Variants in LRRC37A2 observed in about 807,000 individuals in gnomAD.
LRRC37A2 encodes leucine-rich repeat-containing protein 37A2.
A neutral mutation model predicts 68.8 loss-of-function variants in LRRC37A2; 9 were observed. The observed-to-expected ratio is 0.13, with a 90% CI of 0.08 to 0.23. The LOEUF (loss-of-function observed/expected upper bound fraction) is 0.23. Among genes scored for constraint, LRRC37A2 ranks in the 10% least tolerant of loss-of-function variants. The pLI is 1.00. For synonymous variants in LRRC37A2, 63 were observed against 367.6 expected (o/e 0.17, Z 9.48); for missense variants, 168 against 950.4 (o/e 0.18, Z 10.82).
At chr17:46,892,534 G>A in the LRRC37A2 span, among the ~76,000 whole-genome samples, 6 of 152,094 alleles carry the variant, frequency 3.9e-5, no homozygotes, top group Non-Finnish European at 5.9e-5. Context: ...TTCCACCATC[G>A]GACTGATTTT....
the LRRC37A2 span, chr17:46,872,844 G>T: frequency 2.0e-6 from 3 of 1,486,066 alleles, no homozygotes; most frequent in Non-Finnish European, 2.7e-6. Context: ...GCTGGGAGAG[G>T]CTGCCCTTTC....
At chr17:46,777,493 C>T in the LRRC37A2 span, among the ~76,000 whole-genome samples, 41 of 152,368 alleles carry the variant, frequency 2.7e-4, 2 homozygotes, top group South Asian at 2.1e-3. Context: ...CCTCAAAGGT[C>T]GGAGTGCTTC....
the LRRC37A2 span, chr17:46,768,330 G>A: frequency 1.2e-6 from 2 of 1,613,662 alleles, no homozygotes; most frequent in Non-Finnish European, 1.7e-6. The surrounding 1 kb of genome is among the most constrained non-coding windows in gnomAD (Gnocchi z 5.0). Context: ...CTACTTGCAG[G>A]TGTGCACGTC....
At chr17:46,999,720 C>G in the LRRC37A2 span, among the ~76,000 whole-genome samples, 3 of 151,912 alleles carry the variant, frequency 2.0e-5, no homozygotes, top group African/African-American at 4.8e-5. Flanking sequence ...TGCTGTCAGC[C>G]TGGAACTATA....
At chr17:47,019,528 A>G in the LRRC37A2 span, 2,502 of 1,516,366 alleles carry the variant, frequency 1.6e-3, 8 homozygotes, top group Non-Finnish European at 1.8e-3. Flanking sequence ...CATCCAGATC[A>G]GCTTCAGACT....
chr17:46,836,095 C>CGTGGGTGTGTGTGT, the LRRC37A2 span, among the ~76,000 whole-genome samples: 1 of 126,434 alleles, frequency 7.9e-6, no homozygotes, highest in Non-Finnish European at 1.6e-5. Flanking sequence ...GAGACGCTGA[C>CGTGGGTGTGTGTGT]GTGTGTGTGT....
At chr17:47,016,029 C>T in the LRRC37A2 span, among the ~76,000 whole-genome samples, 2 of 152,278 alleles carry the variant, frequency 1.3e-5, no homozygotes, top group East Asian at 1.9e-4. Flanking sequence ...ACTGCAACCT[C>T]TGCCTCCCAG....
chr17:46,936,965 TAA>T, the LRRC37A2 span: 1,211 of 195,736 alleles, frequency 6.2e-3, 1 homozygote, highest in African/African-American at 0.01. Context: ...GTGTATTTAT[TAA>T]AAAAAAAAAA....
the LRRC37A2 span, among the ~76,000 whole-genome samples, chr17:46,992,610 T>A: frequency 6.6e-6 from 1 of 152,080 alleles, no homozygotes; most frequent in East Asian, 1.9e-4. Context: ...CCTAGCACTT[T>A]GGGAGGCCGA....
the LRRC37A2 span, among the ~76,000 whole-genome samples, chr17:46,610,255 C>T: frequency 3.3e-4 from 29 of 87,426 alleles, no homozygotes; most frequent in African/African-American, 1.2e-3. Context: ...TTTCAGCCAC[C>T]GCACCCAGCC....
the LRRC37A2 span, among the ~76,000 whole-genome samples, chr17:46,873,310 C>T: frequency 6.6e-6 from 1 of 152,084 alleles, no homozygotes; most frequent in African/African-American, 2.4e-5. Flanking sequence ...ACTCCACCCA[C>T]CCACTAAGCA....
the LRRC37A2 span, among the ~76,000 whole-genome samples, chr17:46,946,736 G>A: frequency 2.0e-5 from 3 of 152,114 alleles, no homozygotes; most frequent in East Asian, 3.9e-4. Flanking sequence ...GTTGGTGTGC[G>A]CCTGTAGTCC....
At chr17:46,743,960 T>C in the LRRC37A2 span, among the ~76,000 whole-genome samples, 2 of 152,122 alleles carry the variant, frequency 1.3e-5, no homozygotes, top group South Asian at 4.1e-4. Flanking sequence ...ACCACACACA[T>C]AGGATTTAGG....
chr17:47,011,465 C>T, the LRRC37A2 span, among the ~76,000 whole-genome samples: 1 of 151,086 alleles, frequency 6.6e-6, no homozygotes, highest in Non-Finnish European at 1.5e-5. Context: ...AGCAGAATCG[C>T]TTGAGCCTGG....
At chr17:47,016,031 G>A in the LRRC37A2 span, among the ~76,000 whole-genome samples, 1 of 152,026 alleles carries the variant, frequency 6.6e-6, no homozygotes, top group African/African-American at 2.4e-5. Context: ...TGCAACCTCT[G>A]CCTCCCAGGT....
the LRRC37A2 span, among the ~76,000 whole-genome samples, chr17:46,407,810 CTTA>C: frequency 7.9e-5 from 5 of 63,452 alleles, no homozygotes; most frequent in African/African-American, 2.9e-4. Flanking sequence ...GAGCATTTTT[CTTA>C]AAATGTTATC....
chr17:46,907,147 G>C, the LRRC37A2 span, among the ~76,000 whole-genome samples: 1 of 152,172 alleles, frequency 6.6e-6, no homozygotes, highest in African/African-American at 2.4e-5. Flanking sequence ...GAGGGGCTTA[G>C]ATCATTCAAG....
At chr17:47,022,203 C>CTTTTTTTTTT in the LRRC37A2 span, among the ~76,000 whole-genome samples, 13 of 43,920 alleles carry the variant, frequency 3.0e-4, no homozygotes, top group East Asian at 7.3e-4. Flanking sequence ...CAGGTTCTTA[C>CTTTTTTTTTT]TTTGTCCTCT....
the LRRC37A2 span, among the ~76,000 whole-genome samples, chr17:47,000,236 CTT>C: frequency 0.025 from 3,042 of 120,896 alleles, 50 homozygotes; most frequent in Middle Eastern, 0.086. Context: ...TTGTTTTTTG[CTT>C]TTTTTTTTTT....
Sources: gnomAD v4.1 joint callset for allele counts (sites outside exome capture counted in the v4.1 genomes callset) on GRCh38, gnomAD v4.1.1 for gene constraint, Gnocchi (gnomAD v3.1) non-coding constraint, MANE v1.5 for transcripts, NCBI Gene and HGNC (gene_info 2026-07-23, HGNC 2026-07-21) for gene names.